TCERG1L: variants seen among roughly 807,000 people sequenced by gnomAD.
TCERG1L encodes transcription elongation regulator 1 like, also known as transcription elongation regulator 1-like protein.
Under a neutral mutation model 56.3 loss-of-function variants are expected in TCERG1L, and 37 were observed. That is an observed-to-expected ratio of 0.66 (90% confidence interval 0.51 to 0.87). TCERG1L has a LOEUF of 0.87. Ranked by LOEUF, TCERG1L falls within the 40% of genes least tolerant of loss-of-function variation. TCERG1L has a pLI of 0.00. For missense variants in TCERG1L, 799 were observed against 774.2 expected, an observed-to-expected ratio of 1.03 and a Z score of -0.38; for synonymous variants, 324 against 326.3, an observed-to-expected ratio of 0.99 and a Z score of 0.08.
chr10:131,128,282 G>A (rs941474733), intron 8 of TCERG1L, among the ~76,000 whole-genome samples: 2 of 152,192 alleles, frequency 1.3e-5, no homozygotes, highest in Non-Finnish European at 2.9e-5. Flanking sequence ...CGTCAACAGC[G>A]TGCAAAGGAG....
chr10:131,197,947 A>T (rs1256511652), intron 4 of TCERG1L, among the ~76,000 whole-genome samples: 1 of 152,216 alleles, frequency 6.6e-6, no homozygotes, highest in Non-Finnish European at 1.5e-5. Flanking sequence ...TCCTTGTCAA[A>T]CATCTCTGCA....
At chr10:131,197,258 T>C (rs1285348462) in intron 4 of TCERG1L, among the ~76,000 whole-genome samples, 1 of 151,858 alleles carries the variant, frequency 6.6e-6, no homozygotes, top group Non-Finnish European at 1.5e-5. Context: ...CTCGGCTCAG[T>C]GCAAGCTCCG....
chr10:131,174,335 T>G (rs1187265324), intron 4 of TCERG1L, among the ~76,000 whole-genome samples: 6 of 152,174 alleles, frequency 3.9e-5, no homozygotes, highest in Non-Finnish European at 7.4e-5. Context: ...AACCCCACAG[T>G]GGGGCCGTTT....
intron 3 of TCERG1L, among the ~76,000 whole-genome samples, chr10:131,291,694 A>G (rs543880742): frequency 1.2e-4 from 18 of 151,792 alleles, no homozygotes; most frequent in South Asian, 2.1e-4. Flanking sequence ...CCAAAGTGCT[A>G]GGATTACAGG....
intron 9 of TCERG1L, among the ~76,000 whole-genome samples, chr10:131,114,643 G>A (rs953581674): frequency 1.3e-5 from 2 of 152,052 alleles, no homozygotes; most frequent in Admixed American, 1.3e-4. Flanking sequence ...CTCAACCAAG[G>A]CCATTTAGAG....
At chr10:131,278,508 T>C (rs1307019032) in intron 3 of TCERG1L, among the ~76,000 whole-genome samples, 1 of 151,658 alleles carries the variant, frequency 6.6e-6, no homozygotes, top group Non-Finnish European at 1.5e-5. Flanking sequence ...CAGCTAATTT[T>C]TTTTTTGTAT....
chr10:131,240,284 G>A (rs1046363812), intron 4 of TCERG1L, among the ~76,000 whole-genome samples: 9 of 152,296 alleles, frequency 5.9e-5, no homozygotes, highest in African/African-American at 1.9e-4. Flanking sequence ...ATGCCATGTG[G>A]CCAGCCACTG....
chr10:131,300,836 C>T (rs1004983770), intron 3 of TCERG1L, among the ~76,000 whole-genome samples: 2 of 150,814 alleles, frequency 1.3e-5, no homozygotes, highest in Non-Finnish European at 2.9e-5. Context: ...ACGGTTTACT[C>T]CTGGGAATGG....
intron 4 of TCERG1L, among the ~76,000 whole-genome samples, chr10:131,191,882 A>G (rs1252295168): frequency 7.3e-6 from 1 of 137,812 alleles, no homozygotes; most frequent in African/African-American, 2.7e-5. Context: ...AAAAAAAAAA[A>G]AAAAAAAGAA....
rs371015886 is a variant in TCERG1L, at chr10:131,243,303, C to A, written c.856+16956G>T. The stretch of plus-strand genomic sequence containing the variant: ...GAGGCTTAAAAACTGCAGGCATGGC[C>A]AGGCGTGAGGGCTCACACCTGCAAT... On this transcript the variant is annotated intron_variant, in intron 4 of 11. Coordinates refer to ENST00000368642, the MANE Select transcript of TCERG1L (RefSeq NM_174937.4). 2.6e-5 allele frequency among the ~76,000 whole-genome samples: 4 copies of A among 152,168 alleles called. No homozygotes were observed. In the East Asian group the frequency reaches 7.7e-4, roughly 29 times the overall value.
At chr10:131,152,414 C>A (rs1304423364) in intron 6 of TCERG1L, among the ~76,000 whole-genome samples, 1 of 152,200 alleles carries the variant, frequency 6.6e-6, no homozygotes, top group Non-Finnish European at 1.5e-5. Flanking sequence ...TTCCTCATCT[C>A]CATCTGAGAC....
intron 4 of TCERG1L, among the ~76,000 whole-genome samples, chr10:131,183,516 G>C (rs935061155): frequency 2.0e-5 from 3 of 152,144 alleles, no homozygotes; most frequent in Admixed American, 1.3e-4. Context: ...GGCTTCTCTC[G>C]TATTTCAGTG....
chr10:131,154,618 C>T (rs773083090), intron 6 of TCERG1L, among the ~76,000 whole-genome samples: 1 of 152,348 alleles, frequency 6.6e-6, no homozygotes, highest in Admixed American at 6.5e-5. Context: ...CTAGGCAGGA[C>T]TGAGTGGCCC....
intron 7 of TCERG1L, among the ~76,000 whole-genome samples, chr10:131,142,925 C>A (rs978803384): frequency 3.3e-5 from 5 of 152,000 alleles, no homozygotes; most frequent in Admixed American, 3.3e-4. Flanking sequence ...ATCCAGGTGG[C>A]CCCATAGACC....
intron 9 of TCERG1L, among the ~76,000 whole-genome samples, chr10:131,109,465 GCTGTGT>G (rs578046036): frequency 0.015 from 2,283 of 152,062 alleles, 48 homozygotes; most frequent in African/African-American, 0.05. Flanking sequence ...TGTGACTGTG[GCTGTGT>G]CTGTGTCTGT....
intron 3 of TCERG1L, among the ~76,000 whole-genome samples, chr10:131,290,963 C>T (rs773934323): frequency 6.6e-5 from 10 of 152,170 alleles, no homozygotes; most frequent in Non-Finnish European, 1.2e-4. Context: ...CATCCCACTT[C>T]CCACACAGCA....
chr10:131,250,282 T>C (rs1846093282), intron 4 of TCERG1L, among the ~76,000 whole-genome samples: 1 of 145,754 alleles, frequency 6.9e-6, no homozygotes, highest in Admixed American at 6.9e-5. Flanking sequence ...TTGCTAGTGC[T>C]TCCTGCGAGA....
intron 3 of TCERG1L, among the ~76,000 whole-genome samples, chr10:131,293,820 C>T (rs939639814): frequency 5.9e-5 from 9 of 152,192 alleles, no homozygotes; most frequent in African/African-American, 1.7e-4. Context: ...CTAATAGAAG[C>T]ACTTCAGGTT....
At chr10:131,293,265 G>A (rs929218022) in intron 3 of TCERG1L, among the ~76,000 whole-genome samples, 17 of 152,166 alleles carry the variant, frequency 1.1e-4, no homozygotes, top group African/African-American at 3.9e-4. Flanking sequence ...GCTAACTTCT[G>A]CATTGCTGAT....
Sources: allele counts gnomAD v4.1 joint callset (sites outside exome capture counted in the v4.1 genomes callset), GRCh38; gene constraint gnomAD v4.1.1; transcripts MANE v1.5; gene names NCBI Gene and HGNC (gene_info 2026-07-23, HGNC 2026-07-21).